Variants in ENTPD1 observed in about 807,000 individuals in gnomAD.
ENTPD1 encodes the protein ectonucleoside triphosphate diphosphohydrolase 1.
A neutral mutation model predicts 57.0 loss-of-function variants in ENTPD1; 33 were observed. The observed-to-expected ratio is 0.58, with a 90% CI of 0.44 to 0.77. The LOEUF (loss-of-function observed/expected upper bound fraction) is 0.77. ENTPD1 is among the 30% of genes least tolerant of loss of function. The probability of loss-of-function intolerance (pLI) is 0.00; values close to 1 mark genes in which losing one functional copy is unlikely to be tolerated. For synonymous variants in ENTPD1, 202 were observed against 218.8 expected (o/e 0.92, Z 0.68); for missense variants, 501 against 603.4 (o/e 0.83, Z 1.78).
At chr10:95,714,659 C>T (rs992467044) in intron 1 of ENTPD1, among the ~76,000 whole-genome samples, 1 of 152,140 alleles carries the variant, frequency 6.6e-6, no homozygotes, top group South Asian at 2.1e-4. Flanking sequence ...AATAAGTTTA[C>T]AACCTCTTAA....
At chr10:95,847,826 A>G in intron 7 of ENTPD1, 120 bp downstream of exon 7, 1 of 1,450,514 alleles carries the variant, frequency 6.9e-7, no homozygotes, top group Non-Finnish European at 9.5e-7. Flanking sequence ...GAGGTAGATG[A>G]TTAGGGGTTG....
intron 1 of ENTPD1, among the ~76,000 whole-genome samples, chr10:95,804,546 G>A (rs1197194751): frequency 1.3e-5 from 2 of 152,206 alleles, no homozygotes; most frequent in Non-Finnish European, 2.9e-5. Context: ...TGTTTCCTGT[G>A]ACTTTGCTGA....
rs2098471623 is a variant in ENTPD1 at position 95,864,973 on chromosome 10, G to A, written c.1326+112G>A. On this transcript the variant is annotated intron_variant, in intron 9 of 9. Coordinates refer to ENST00000371205, the MANE Select transcript of ENTPD1 (RefSeq NM_001776.6). Reference sequence around the variant, plus strand: ...CAGCATGGTGTAGCTTTGGCTTGATGTCCTGTTCTGCCATTCTGCTTCAAA... The same window carrying A: ...CAGCATGGTGTAGCTTTGGCTTGATATCCTGTTCTGCCATTCTGCTTCAAA... The A allele has an allele frequency of 3.9e-6, 5 of 1,270,158 alleles. No homozygotes were observed. In the East Asian group the frequency reaches 9.6e-5, roughly 24 times the overall value. 78.7% of individuals were successfully genotyped at this position (1,270,158 alleles called of 1,614,324 possible).
intron 1 of ENTPD1, among the ~76,000 whole-genome samples, chr10:95,769,863 G>A (rs553612724): frequency 9.8e-5 from 15 of 152,302 alleles, no homozygotes; most frequent in African/African-American, 3.4e-4. Context: ...AAGGTTTTGG[G>A]CCTTCCAAGA....
At chr10:95,712,778 T>C (rs2097967068) in intron 1 of ENTPD1, among the ~76,000 whole-genome samples, 1 of 152,168 alleles carries the variant, frequency 6.6e-6, no homozygotes, top group Non-Finnish European at 1.5e-5. Flanking sequence ...CTCCCGCCTG[T>C]AATCCCAGCA....
At chr10:95,853,215 T>C (rs777524076) in intron 7 of ENTPD1, among the ~76,000 whole-genome samples, 1 of 152,220 alleles carries the variant, frequency 6.6e-6, no homozygotes, top group East Asian at 1.9e-4. Context: ...AGTTCACTCA[T>C]AATTTGGCTC....
intron 1 of ENTPD1, among the ~76,000 whole-genome samples, chr10:95,731,781 CTTTTTTTTTT>C (rs34841311): frequency 1.3e-5 from 1 of 79,180 alleles, no homozygotes; most frequent in Non-Finnish European, 2.3e-5. Context: ...AGTGGACATC[CTTTTTTTTTT>C]TTTTTTTTTT....
chr10:95,717,600 G>A (rs958158295), intron 1 of ENTPD1, among the ~76,000 whole-genome samples: 1 of 152,106 alleles, frequency 6.6e-6, no homozygotes, highest in Admixed American at 6.5e-5. Context: ...TGCAAGCCCC[G>A]TGTTTAAAGG....
intron 2 of ENTPD1, among the ~76,000 whole-genome samples, chr10:95,825,198 G>T (rs1048644583): frequency 6.6e-6 from 1 of 152,202 alleles, no homozygotes; most frequent in Non-Finnish European, 1.5e-5. Context: ...TACATGGCTG[G>T]TGGCTACTGT....
At chr10:95,756,140 C>G, upstream of ENTPD1, 2 of 1,552,292 alleles carry the variant, frequency 1.3e-6, no homozygotes, top group African/African-American at 1.4e-5. Flanking sequence ...TGTTATATCT[C>G]TGTTTCCTTG....
the ENTPD1 span, among the ~76,000 whole-genome samples, chr10:95,701,239 C>G: frequency 6.6e-6 from 1 of 152,164 alleles, no homozygotes; most frequent in African/African-American, 2.4e-5. Flanking sequence ...AGCAGAAGGA[C>G]TGCTTGAGAC....
intron 2 of ENTPD1, among the ~76,000 whole-genome samples, chr10:95,832,146 G>A (rs531994801): frequency 6.8e-4 from 104 of 152,238 alleles, no homozygotes; most frequent in Non-Finnish European, 1.3e-3. Context: ...AGATAAAACC[G>A]TTCCCTCCTT....
rs1203294180 is a variant in ENTPD1 at position 95,872,172 on chromosome 10, T to C, written c.*5789T>C. On this transcript the variant is annotated 3_prime_UTR_variant, in exon 10 of 10. Coordinates refer to ENST00000371205, the MANE Select transcript of ENTPD1 (RefSeq NM_001776.6). ...CCTGGACTGATACCAGGAATGGTGG[T>C]GTTGCTTCCAATCTGTTGCTGCTAG... The C allele has an allele frequency of 1.0e-6, 1 of 985,474 alleles. No individual in the cohort carries two copies. The highest frequency in any genetic ancestry group is 1.2e-6 in the Non-Finnish European group (1 of 829,940). The allele number at this position is 985,474 out of a possible 1,614,324, so 61.0% of individuals were successfully genotyped here.
intron 1 of ENTPD1, among the ~76,000 whole-genome samples, chr10:95,730,945 A>G (rs1274917128): frequency 6.6e-6 from 1 of 152,244 alleles, no homozygotes; most frequent in Non-Finnish European, 1.5e-5. Context: ...GAAACAGCCC[A>G]TGCTGCTAAG....
In ENTPD1 at chr10:95,866,910, T is replaced by C; in HGVS notation, c.*527T>C. The C allele has an allele frequency of 9.8e-7, 1 of 1,018,448 alleles. No homozygotes were observed. Among genetic ancestry groups the C allele is most frequent in the Non-Finnish European group, 1.2e-6 (1 of 849,098 alleles). The allele number at this position is 1,018,448 out of a possible 1,614,324, so 63.1% of individuals were successfully genotyped here. On this transcript the variant is annotated 3_prime_UTR_variant, in exon 10 of 10. Coordinates refer to ENST00000371205, the MANE Select transcript of ENTPD1 (RefSeq NM_001776.6). ...CTGTGGGTAGGAGAATTTTCTACAG[T>C]AGGCAAATATGTGCTAAAGCCAAAG...
At chr10:95,858,772 C>T (rs926892273) in intron 7 of ENTPD1, among the ~76,000 whole-genome samples, 3 of 152,132 alleles carry the variant, frequency 2.0e-5, no homozygotes, top group African/African-American at 7.2e-5. Context: ...TACCATTGCT[C>T]ATAGGGGAAA....
Position 95,873,783 on chromosome 10 carries a change from C to A in ENTPD1, c.*7400C>A, listed in dbSNP as rs2098482983. ...GGGTTTAATTGGACTTACAGTTCCA[C>A]ATGGCTGGGGAGGCCTCAAAATCAG... On this transcript the variant is annotated 3_prime_UTR_variant, in exon 10 of 10. Transcript: ENST00000371205. 1.2e-5 allele frequency: 11 copies of A among 883,694 alleles called. No homozygotes were observed. Among genetic ancestry groups the A allele is most frequent in the Non-Finnish European group, 1.5e-5 (11 of 737,198 alleles). 54.7% of individuals were successfully genotyped at this position (883,694 alleles called of 1,614,324 possible).
At position 95,756,196 on chromosome 10, in the gene ENTPD1, G is replaced by T. The variant is rs192265449; in HGVS notation, c.-44G>T. On this transcript the variant is annotated 5_prime_UTR_variant, in exon 1 of 10. Coordinates refer to ENST00000371205, the MANE Select transcript of ENTPD1 (RefSeq NM_001776.6). ...GGACCACAGCAAGCAGAGGCTGGGG[G>T]GGGGAAAGACGAGGAAAGAGGAGGA... 9.9e-5 allele frequency: 156 copies of T among 1,580,942 alleles called. No individual in the cohort carries two copies. Among genetic ancestry groups the T allele is most frequent in the Admixed American group, 3.8e-4 (21 of 55,470 alleles).
intron 1 of ENTPD1, among the ~76,000 whole-genome samples, chr10:95,784,125 A>G (rs1170985008): frequency 2.0e-5 from 2 of 98,182 alleles, no homozygotes; most frequent in African/African-American, 3.9e-5. Context: ...TTTTGATTGT[A>G]GAAAAGATCA....
Sources: gnomAD v4.1 joint callset for allele counts (sites outside exome capture counted in the v4.1 genomes callset) on GRCh38, gnomAD v4.1.1 for gene constraint, MANE v1.5 for transcripts, NCBI Gene and HGNC (gene_info 2026-07-23, HGNC 2026-07-21) for gene names.